Variants in NALF1 observed in about 807,000 individuals in gnomAD.
NALF1 encodes NALCN channel auxiliary factor 1, also known as family with sequence similarity 155 member A.
NALF1 carries 3 observed loss-of-function variants against 48.4 expected under a neutral mutation model. The ratio of observed to expected loss-of-function variants is 0.06; its 90% confidence interval spans 0.03 to 0.16. NALF1 has a LOEUF of 0.16. NALF1 is among the 10% of genes least tolerant of loss of function. NALF1 has a pLI of 1.00. For synonymous variants in NALF1, 262 were observed against 245.7 expected (o/e 1.07, Z -0.62); for missense variants, 526 against 571.5 (o/e 0.92, Z 0.81).
At chr13:107,251,818 G>A (rs1406075959) in intron 1 of NALF1, among the ~76,000 whole-genome samples, 2 of 152,232 alleles carry the variant, frequency 1.3e-5, no homozygotes, top group Non-Finnish European at 2.9e-5. Flanking sequence ...GCCTGTTAAA[G>A]AATGGAGCTT....
At chr13:107,366,752 A>G (rs1185618130) in intron 1 of NALF1, among the ~76,000 whole-genome samples, 3 of 152,196 alleles carry the variant, frequency 2.0e-5, no homozygotes, top group South Asian at 2.1e-4. Flanking sequence ...CCGACATCCC[A>G]TGTTGTCAGG....
At chr13:107,569,171 TAA>T (rs1299211786) in intron 1 of NALF1, among the ~76,000 whole-genome samples, 1 of 152,164 alleles carries the variant, frequency 6.6e-6, no homozygotes, top group East Asian at 1.9e-4. Context: ...AACCATTTAT[TAA>T]AAGTGCTACC....
chr13:107,713,042 T>A (rs1370429597), intron 1 of NALF1, among the ~76,000 whole-genome samples: 1 of 152,122 alleles, frequency 6.6e-6, no homozygotes, highest in Non-Finnish European at 1.5e-5. Flanking sequence ...AGAGCTGAGG[T>A]GTCCCTGCCT....
At chr13:107,704,756 T>C (rs1407273731) in intron 1 of NALF1, among the ~76,000 whole-genome samples, 1 of 152,170 alleles carries the variant, frequency 6.6e-6, no homozygotes, top group Non-Finnish European at 1.5e-5. Flanking sequence ...GAATATGATA[T>C]ATTCATCATG....
At chr13:107,440,500 G>A (rs1884540040) in intron 1 of NALF1, among the ~76,000 whole-genome samples, 1 of 152,156 alleles carries the variant, frequency 6.6e-6, no homozygotes. Flanking sequence ...AGAAGCAGCA[G>A]AAGACATTTT....
rs554883018 is a variant in NALF1, at chr13:107,720,373, C to T, written c.915+145309G>A. The stretch of plus-strand genomic sequence containing the variant: ...AAAAAATACAAAAATCAGCCAGGCG[C>T]GGTGGCGCACACCTGTAGTCCCAGC... On this transcript the variant is annotated intron_variant, in intron 1 of 2. Coordinates refer to ENST00000375915, the MANE Select transcript of NALF1 (RefSeq NM_001080396.3). Among the ~76,000 whole-genome samples, 49 of 152,046 alleles carry T rather than the reference C, an allele frequency of 3.2e-4. No individual in the cohort carries two copies. The South Asian group carries it at 8.3e-3, about 26-fold the overall frequency.
intron 1 of NALF1, among the ~76,000 whole-genome samples, chr13:107,808,459 T>C (rs1260969844): frequency 6.6e-6 from 1 of 152,146 alleles, no homozygotes; most frequent in Non-Finnish European, 1.5e-5. Context: ...TTAAAATCTG[T>C]CTTTCCTTCT....
intron 1 of NALF1, among the ~76,000 whole-genome samples, chr13:107,770,218 T>C (rs963848511): frequency 5.9e-5 from 9 of 152,158 alleles, no homozygotes; most frequent in African/African-American, 2.2e-4. Flanking sequence ...GGGCCCACTT[T>C]TGTTTTTTAT....
At chr13:107,826,375 G>C (rs1347537863) in intron 1 of NALF1, among the ~76,000 whole-genome samples, 1 of 152,056 alleles carries the variant, frequency 6.6e-6, no homozygotes, top group African/African-American at 2.4e-5. Flanking sequence ...AGCTGACAGG[G>C]TGTTCCTCAG....
intron 1 of NALF1, among the ~76,000 whole-genome samples, chr13:107,808,535 TGA>T (rs1168647028): frequency 6.6e-6 from 1 of 152,002 alleles, no homozygotes; most frequent in Non-Finnish European, 1.5e-5. Context: ...ACATCAACTA[TGA>T]ACAGAGGCTT....
At chr13:107,250,187 A>G (rs962297470) in intron 1 of NALF1, among the ~76,000 whole-genome samples, 2 of 152,022 alleles carry the variant, frequency 1.3e-5, no homozygotes, top group Non-Finnish European at 2.9e-5. Context: ...TGGGGCTCCA[A>G]ATTAGAATTA....
chr13:107,277,300 T>C (rs9587336), intron 1 of NALF1, among the ~76,000 whole-genome samples: 6,460 of 152,262 alleles, frequency 0.042, 164 homozygotes, highest in African/African-American at 0.081. Context: ...TTAATACAAC[T>C]ATAATGTTAG....
In NALF1 at chr13:107,687,792, G is replaced by C. The variant is rs539550368; in HGVS notation, c.915+177890C>G. On this transcript the variant is annotated intron_variant, in intron 1 of 2. Transcript: ENST00000375915. Reference sequence around the variant, plus strand: ...AAAGTGAAATAAAATTAGAAATTCAGATTGTCAATTGCACTAGCCATATGT... The same window carrying C: ...AAAGTGAAATAAAATTAGAAATTCACATTGTCAATTGCACTAGCCATATGT... Among the ~76,000 whole-genome samples, 81 of 152,248 alleles carry C rather than the reference G, an allele frequency of 5.3e-4. 1 individual carries two copies. The highest frequency in any genetic ancestry group is 6.8e-3 in the Middle Eastern group (2 of 294).
intron 1 of NALF1, among the ~76,000 whole-genome samples, chr13:107,853,161 T>C (rs975427562): frequency 6.6e-6 from 1 of 152,218 alleles, no homozygotes; most frequent in Non-Finnish European, 1.5e-5. Context: ...TGTTTTAATA[T>C]TATTAATGTT....
rs181799014 is a variant in NALF1 at position 107,414,337 on chromosome 13, T to C, written c.916-203582A>G. ...TTCTTCTTTTCTTTCTTTCCCTAAC[T>C]CTCTCTCCTCCTCCCTCCCTCCTCT... is the stretch of plus-strand genomic sequence containing the variant. On this transcript the variant is annotated intron_variant, in intron 1 of 2. Coordinates refer to ENST00000375915, the MANE Select transcript of NALF1 (RefSeq NM_001080396.3). 4.2e-3 allele frequency among the ~76,000 whole-genome samples: 636 copies of C among 151,554 alleles called. 5 individuals carry two copies. Among genetic ancestry groups the C allele is most frequent in the African/African-American group, 0.014 (593 of 41,460 alleles).
intron 1 of NALF1, among the ~76,000 whole-genome samples, chr13:107,250,528 T>C (rs9520345): frequency 0.2 from 29,925 of 152,138 alleles, 3,614 homozygotes; most frequent in South Asian, 0.41. Flanking sequence ...CACTGGATGA[T>C]AGAGATATGT....
chr13:107,479,929 AT>A (rs1005323803), intron 1 of NALF1, among the ~76,000 whole-genome samples: 1 of 152,086 alleles, frequency 6.6e-6, no homozygotes, highest in African/African-American at 2.4e-5. Context: ...TCTCTCTGCA[AT>A]TTTTACCTTC....
intron 1 of NALF1, among the ~76,000 whole-genome samples, chr13:107,334,440 T>C (rs899969748): frequency 1.3e-5 from 2 of 152,200 alleles, no homozygotes; most frequent in Non-Finnish European, 2.9e-5. Flanking sequence ...CAATCAGCTC[T>C]GGCTCTCTAG....
intron 1 of NALF1, among the ~76,000 whole-genome samples, chr13:107,251,751 C>T (rs184168916): frequency 6.6e-6 from 1 of 152,026 alleles, no homozygotes; most frequent in Non-Finnish European, 1.5e-5. Flanking sequence ...CTTTTCCTAG[C>T]CATGTTTAAG....
Sources: allele counts gnomAD v4.1 joint callset (sites outside exome capture counted in the v4.1 genomes callset), GRCh38; gene constraint gnomAD v4.1.1; transcripts MANE v1.5; gene names NCBI Gene and HGNC (gene_info 2026-07-23, HGNC 2026-07-21).